The following SBNO1 variants were observed in gnomAD, a reference collection of about 807,000 sequenced individuals.
SBNO1 encodes protein strawberry notch homolog 1.
A neutral mutation model predicts 173.6 loss-of-function variants in SBNO1; 23 were observed. The ratio of observed to expected loss-of-function variants is 0.13; its 90% CI spans 0.10 to 0.19. The LOEUF is 0.19. Among genes scored for constraint, SBNO1 ranks in the 10% least tolerant of loss-of-function variants. The pLI is 1.00. For missense variants in SBNO1, 1,238 were observed against 1,671.2 expected (o/e 0.74, Z 4.52); for synonymous variants, 632 against 571.5 (o/e 1.11, Z -1.51).
At chr12:123,351,307 G>A (rs916370675) in intron 1 of SBNO1, among the ~76,000 whole-genome samples, 3 of 152,048 alleles carry the variant, frequency 2.0e-5, no homozygotes, top group African/African-American at 4.8e-5. Flanking sequence ...CAAGTTTTCC[G>A]ATTGAGGACT....
intron 14 of SBNO1, 58 bp downstream of exon 14, chr12:123,326,094 C>A: frequency 1.7e-6 from 2 of 1,192,036 alleles, no homozygotes; most frequent in Non-Finnish European, 2.2e-6. Flanking sequence ...ACCTCAGCAC[C>A]CACAAAGACT....
chr12:123,360,451 CT>C (rs1418612203), intron 1 of SBNO1, among the ~76,000 whole-genome samples: 1 of 151,908 alleles, frequency 6.6e-6, no homozygotes. Flanking sequence ...AGGGAAACCA[CT>C]TTTTTCTTTT....
intron 4 of SBNO1, among the ~76,000 whole-genome samples, chr12:123,344,320 C>T (rs979300109): frequency 1.2e-4 from 19 of 152,182 alleles, no homozygotes; most frequent in Admixed American, 9.2e-4. Flanking sequence ...CAACTTGCAT[C>T]TCACTGCCAG....
chr12:123,316,186 G>C (rs948683141), intron 21 of SBNO1, among the ~76,000 whole-genome samples: 1 of 152,050 alleles, frequency 6.6e-6, no homozygotes, highest in African/African-American at 2.4e-5. Flanking sequence ...CTCCTTAAAT[G>C]CAAGATCTGA....
chr12:123,321,970 C>T (rs1216856056), intron 16 of SBNO1, among the ~76,000 whole-genome samples: 2 of 152,172 alleles, frequency 1.3e-5, no homozygotes, highest in Non-Finnish European at 2.9e-5. Context: ...TAAGTCAAGA[C>T]TGCCTTCAAG....
intron 28 of SBNO1, among the ~76,000 whole-genome samples, chr12:123,305,374 G>C (rs985409578): frequency 6.6e-6 from 1 of 152,134 alleles, no homozygotes; most frequent in Non-Finnish European, 1.5e-5. Flanking sequence ...TGCTATGGCA[G>C]CAGAAAGCAA....
chr12:123,359,000 T>C (rs1455512611), intron 1 of SBNO1, among the ~76,000 whole-genome samples: 2 of 151,658 alleles, frequency 1.3e-5, no homozygotes, highest in Non-Finnish European at 2.9e-5. Context: ...AGGCGAGATC[T>C]TGGCTCACTG....
rs976095407 is a variant in SBNO1, at chr12:123,289,152, C to T, written c.*6756G>A. The T allele has an allele frequency of 6.9e-5, 10 of 144,886 alleles. No individual in the cohort carries two copies. Among genetic ancestry groups the T allele is most frequent in the Non-Finnish European group, 1.6e-4 (10 of 63,726 alleles). 9.0% of individuals were successfully genotyped at this position (144,886 alleles called of 1,614,324 possible). ...TTTAGAATCTTACAAAAACAAAAAA[C>T]AAAACAAAAACCACCACAACAGAAA... On this transcript the variant is annotated 3_prime_UTR_variant, in exon 32 of 32. Transcript: ENST00000602398.
intron 22 of SBNO1, 50 bp from the exon 23 acceptor site, chr12:123,315,494 A>G (rs760104962): frequency 6.3e-5 from 100 of 1,585,368 alleles, no homozygotes; most frequent in Non-Finnish European, 7.8e-5. Flanking sequence ...TTTTACCAGA[A>G]AACAGGTACA....
chr12:123,299,138 G>T (rs1193306218), intron 30 of SBNO1, among the ~76,000 whole-genome samples: 1 of 152,206 alleles, frequency 6.6e-6, no homozygotes, highest in Non-Finnish European at 1.5e-5. Context: ...GGAGGACAAG[G>T]CCGGCTGATC....
intron 5 of SBNO1, among the ~76,000 whole-genome samples, chr12:123,340,343 G>A (rs1872381912): frequency 6.6e-6 from 1 of 152,038 alleles, no homozygotes; most frequent in South Asian, 2.1e-4. Context: ...CACTTTCGGA[G>A]GCTGAGGCGG....
At chr12:123,319,381 TAAA>T (rs943761691) in intron 20 of SBNO1, among the ~76,000 whole-genome samples, 12 of 152,162 alleles carry the variant, frequency 7.9e-5, no homozygotes, top group Non-Finnish European at 1.2e-4. Flanking sequence ...GATAAAATAA[TAAA>T]AACATGCAAA....
chr12:123,325,730 G>C (rs1297221523), intron 14 of SBNO1, 131 bp from the exon 15 acceptor site: 2 of 702,870 alleles, frequency 2.8e-6, no homozygotes, highest in Admixed American at 2.4e-5. Context: ...ACACAAATTT[G>C]TTTTACTTAT....
rs780595017 is a variant in SBNO1 at position 123,341,021 on chromosome 12, G to A, written c.618C>T (p.Asn206=). 4.4e-6 allele frequency: 7 copies of A among 1,602,182 alleles called. No homozygotes were observed. Among genetic ancestry groups the A allele is most frequent in the Admixed American group, 3.4e-5 (2 of 58,176 alleles). The change falls in exon 5 of 32, where the codon AAC becomes AAT. Residue 206 remains asparagine (N), a synonymous_variant. Coordinates refer to ENST00000602398, the MANE Select transcript of SBNO1 (RefSeq NM_001167856.3). ...SNKEGARMWI[N]DMKMRSFSPT... is the part of the protein sequence containing the mutation. ...GGGAAAAACTCCTCATCTTCATGTC[G>A]TTTATCCACATTCTAGCTCCTTCTT...
At chr12:123,360,081 A>G (rs951398685) in intron 1 of SBNO1, among the ~76,000 whole-genome samples, 1 of 152,004 alleles carries the variant, frequency 6.6e-6, no homozygotes, top group Non-Finnish European at 1.5e-5. Flanking sequence ...ATCTACTAAA[A>G]ACACACAAAA....
Position 123,289,150 on chromosome 12 carries a change from A to C in SBNO1, c.*6758T>G, listed in dbSNP as rs2048476031. On this transcript the variant is annotated 3_prime_UTR_variant, in exon 32 of 32. Coordinates refer to ENST00000602398, the MANE Select transcript of SBNO1 (RefSeq NM_001167856.3). Reference sequence around the variant, plus strand: ...TATTTAGAATCTTACAAAAACAAAAAACAAAACAAAAACCACCACAACAGA... The same window carrying C: ...TATTTAGAATCTTACAAAAACAAAACACAAAACAAAAACCACCACAACAGA... The C allele has an allele frequency of 6.9e-6, 1 of 145,160 alleles. No individual in the cohort carries two copies. The highest frequency in any genetic ancestry group is 2.5e-5 in the African/African-American group (1 of 40,504). 9.0% of individuals were successfully genotyped at this position (145,160 alleles called of 1,614,324 possible). A position where few individuals can be genotyped will look rare whatever the true frequency, so the allele number is the denominator to read the frequency against.
chr12:123,317,186 A>G (rs1869391549), intron 21 of SBNO1, 35 bp downstream of exon 21: 1 of 1,609,648 alleles, frequency 6.2e-7, no homozygotes, highest in African/African-American at 1.3e-5. Context: ...ATTCCTAGCT[A>G]TCCATTAAGT....
intron 25 of SBNO1, 115 bp downstream of exon 25, chr12:123,310,940 C>G (rs1423332667): frequency 2.6e-6 from 2 of 783,666 alleles, no homozygotes; most frequent in Non-Finnish European, 4.2e-6. Flanking sequence ...GCAGCCAAAA[C>G]CACCCAGAAT....
At position 123,293,737 on chromosome 12, in the gene SBNO1, G is replaced by C. The variant is rs1474719652; in HGVS notation, c.*2171C>G. 1 of 152,194 alleles carries C rather than the reference G, an allele frequency of 6.6e-6. No homozygotes were observed. Among genetic ancestry groups the C allele is most frequent in the East Asian group, 1.9e-4 (1 of 5,198 alleles). 9.4% of individuals were successfully genotyped at this position (152,194 alleles called of 1,614,324 possible). ...GGGTTGTCACTTAGCTGCATGCTAA[G>C]AATCCTCATATGCTGCTTTGAAAAC... is the stretch of plus-strand genomic sequence containing the variant. On this transcript the variant is annotated 3_prime_UTR_variant, in exon 32 of 32. Transcript: ENST00000602398.
Sources: allele counts gnomAD v4.1 joint callset (sites outside exome capture counted in the v4.1 genomes callset), GRCh38; gene constraint gnomAD v4.1.1; transcripts MANE v1.5; gene names NCBI Gene and HGNC (gene_info 2026-07-23, HGNC 2026-07-21).